Variants in KCNK2 observed in about 807,000 individuals in gnomAD.
KCNK2 encodes the protein potassium channel subfamily K member 2.
A neutral mutation model predicts 40.5 loss-of-function variants in KCNK2; 21 were observed. The ratio of observed to expected loss-of-function variants is 0.52; its 90% CI spans 0.37 to 0.75. KCNK2 has a LOEUF of 0.75. Ranked by LOEUF, KCNK2 falls within the 30% of genes least tolerant of loss-of-function variation. The probability of loss-of-function intolerance (pLI) is 0.00; values close to 1 mark genes in which losing one functional copy is unlikely to be tolerated. For synonymous variants in KCNK2, 191 were observed against 202.2 expected (o/e 0.94, Z 0.47); for missense variants, 399 against 531.6 (o/e 0.75, Z 2.45).
At chr1:215,072,135 T>TA (rs1658775565) in intron 1 of KCNK2, among the ~76,000 whole-genome samples, 1 of 152,258 alleles carries the variant, frequency 6.6e-6, no homozygotes. Flanking sequence ...TTTTAACACT[T>TA]ACACTATATG....
intron 2 of KCNK2, among the ~76,000 whole-genome samples, chr1:215,091,250 G>T (rs1324140844): frequency 6.6e-6 from 1 of 152,120 alleles, no homozygotes; most frequent in Non-Finnish European, 1.5e-5. Flanking sequence ...AATGGGCATG[G>T]TATGCTCCAG....
intron 1 of KCNK2, among the ~76,000 whole-genome samples, chr1:215,067,477 G>A (rs1307126337): frequency 6.6e-6 from 1 of 152,122 alleles, no homozygotes; most frequent in African/African-American, 2.4e-5. Flanking sequence ...AATAATATGT[G>A]ATGATCACAA....
At chr1:215,143,378 G>A (rs1433858949) in intron 3 of KCNK2, among the ~76,000 whole-genome samples, 2 of 152,086 alleles carry the variant, frequency 1.3e-5, no homozygotes, top group African/African-American at 4.8e-5. Context: ...GTAGGCCTTG[G>A]TATCAGTGGG....
chr1:215,124,020 C>A (rs1376626424), intron 2 of KCNK2, among the ~76,000 whole-genome samples: 1 of 152,130 alleles, frequency 6.6e-6, no homozygotes, highest in Admixed American at 6.6e-5. Flanking sequence ...TTTGGTGATT[C>A]TTATTGTCAT....
chr1:215,059,312 T>C (rs551340687), intron 1 of KCNK2, among the ~76,000 whole-genome samples: 1 of 152,204 alleles, frequency 6.6e-6, no homozygotes, highest in African/African-American at 2.4e-5. Context: ...TAGTGAACGC[T>C]GCTGAATTAA....
At chr1:215,210,103 GTACTATACA>G (rs1665672378) in intron 6 of KCNK2, among the ~76,000 whole-genome samples, 1 of 68,100 alleles carries the variant, frequency 1.5e-5, no homozygotes. Flanking sequence ...AAATATATAT[GTACTATACA>G]TACTATATAT....
rs1368947479 is a variant in KCNK2, at chr1:215,235,882, CT to C, written c.*738del. 1.3e-5 allele frequency: 2 copies of C among 152,608 alleles called. No homozygotes were observed. Among genetic ancestry groups the C allele is most frequent in the Admixed American group, 1.3e-4 (2 of 15,272 alleles). The allele number at this position is 152,608 out of a possible 1,614,324, so 9.5% of individuals were successfully genotyped here. A position where few individuals can be genotyped will look rare whatever the true frequency, so the allele number is the denominator to read the frequency against. ...GAGAAATGAGGTGCAGAGGTGGCCC[CT>C]CTGAGTATTTATTTGACTCAGGTAC... On this transcript the variant is annotated 3_prime_UTR_variant, in exon 7 of 7. Coordinates refer to ENST00000444842, the MANE Select transcript of KCNK2 (RefSeq NM_001017425.3).
At chr1:215,209,959 AT>A (rs1269301932) in intron 6 of KCNK2, among the ~76,000 whole-genome samples, 1 of 63,668 alleles carries the variant, frequency 1.6e-5, no homozygotes, top group African/African-American at 6.1e-5. Flanking sequence ...AGGAAAATAT[AT>A]TTTATATATA....
intron 6 of KCNK2, among the ~76,000 whole-genome samples, chr1:215,209,424 T>TATATATATTATATATATAAA (rs1558140065): frequency 1.8e-5 from 1 of 54,886 alleles, no homozygotes; most frequent in Non-Finnish European, 2.9e-5. Context: ...TTATATATAA[T>TATATATATTATATATATAAA]ATATATAATA....
intron 5 of KCNK2, among the ~76,000 whole-genome samples, chr1:215,175,707 G>A (rs895471340): frequency 6.6e-6 from 1 of 152,122 alleles, no homozygotes; most frequent in Non-Finnish European, 1.5e-5. Flanking sequence ...ATGTCCATGA[G>A]TACCCATTGT....
intron 2 of KCNK2, among the ~76,000 whole-genome samples, chr1:215,112,341 A>G (rs1192298980): frequency 1.3e-5 from 2 of 151,868 alleles, no homozygotes; most frequent in Non-Finnish European, 2.9e-5. Flanking sequence ...GTGCTTAAAA[A>G]GTTAAAAAAA....
intron 3 of KCNK2, among the ~76,000 whole-genome samples, chr1:215,128,229 G>A (rs1661520251): frequency 6.6e-6 from 1 of 152,202 alleles, no homozygotes; most frequent in African/African-American, 2.4e-5. Flanking sequence ...GAAGAAAGTT[G>A]GAAAGGGAGG....
chr1:215,048,923 G>A (rs947762363), intron 1 of KCNK2, among the ~76,000 whole-genome samples: 8 of 152,152 alleles, frequency 5.3e-5, no homozygotes, highest in Admixed American at 3.9e-4. Flanking sequence ...GGCATCTGGG[G>A]CACTTCCAGT....
At position 215,169,360 on chromosome 1, in the gene KCNK2, G is replaced by T; in HGVS notation, c.636+1G>T. 1 of 1,603,092 alleles carries T rather than the reference G, an allele frequency of 6.2e-7. No individual in the cohort carries two copies. Among genetic ancestry groups the T allele is most frequent in the Non-Finnish European group, 8.5e-7 (1 of 1,172,686 alleles). Reference sequence around the variant, plus strand: ...TGCCAAAGTGGAAGATACGTTTATTGTGAGTATGATAGATATTTAACTACG... The same window carrying T: ...TGCCAAAGTGGAAGATACGTTTATTTTGAGTATGATAGATATTTAACTACG... On this transcript the variant is annotated splice_donor_variant, in intron 4 of 6. Transcript: ENST00000444842. LOFTEE classifies it high-confidence loss of function.
chr1:215,199,591 G>T (rs1665000693), intron 6 of KCNK2, among the ~76,000 whole-genome samples: 1 of 152,102 alleles, frequency 6.6e-6, no homozygotes, highest in African/African-American at 2.4e-5. Flanking sequence ...GCATTTCTTT[G>T]TCTATTTTTT....
intron 3 of KCNK2, among the ~76,000 whole-genome samples, chr1:215,143,357 C>T (rs956440438): frequency 2.0e-5 from 3 of 151,962 alleles, no homozygotes; most frequent in Non-Finnish European, 4.4e-5. Context: ...TTTTGATTTG[C>T]CCTTAACATT....
At chr1:215,126,886 T>G (rs1252995636) in intron 3 of KCNK2, among the ~76,000 whole-genome samples, 1 of 152,144 alleles carries the variant, frequency 6.6e-6, no homozygotes, top group African/African-American at 2.4e-5. Flanking sequence ...TACTGCATGG[T>G]CTTTTACTCT....
intron 2 of KCNK2, among the ~76,000 whole-genome samples, chr1:215,087,779 T>C (rs1659511571): frequency 6.6e-6 from 1 of 152,228 alleles, no homozygotes; most frequent in Non-Finnish European, 1.5e-5. Context: ...GCTTTAATCC[T>C]GCTTTTTGTT....
chr1:215,169,721 C>T (rs933180055), intron 4 of KCNK2, among the ~76,000 whole-genome samples: 4 of 151,690 alleles, frequency 2.6e-5, no homozygotes, highest in Non-Finnish European at 4.4e-5. Flanking sequence ...TCTTGGCTCA[C>T]TGCAACCTCC....
Sources: allele counts gnomAD v4.1 joint callset (sites outside exome capture counted in the v4.1 genomes callset), GRCh38; gene constraint gnomAD v4.1.1; transcripts MANE v1.5; gene names NCBI Gene and HGNC (gene_info 2026-07-23, HGNC 2026-07-21).